Variants in PRKAG2 observed in about 807,000 individuals in gnomAD.
PRKAG2 encodes the protein protein kinase AMP-activated non-catalytic subunit gamma 2, also known as 5'-AMP-activated protein kinase subunit gamma-2.
A neutral mutation model predicts 69.6 loss-of-function variants in PRKAG2; 26 were observed. The observed-to-expected ratio is 0.37, with a 90% confidence interval of 0.27 to 0.52. The LOEUF (loss-of-function observed/expected upper bound fraction) is 0.52, where lower values mean the gene tolerates loss of function less well. Ranked by LOEUF, PRKAG2 falls within the 20% of genes least tolerant of loss-of-function variation. PRKAG2 has a pLI of 0.90. For synonymous variants in PRKAG2, 293 were observed against 285.0 expected (o/e 1.03, Z -0.28); for missense variants, 557 against 740.0 (o/e 0.75, Z 2.87).
At chr7:151,787,155 G>A (rs909991487) in intron 1 of PRKAG2, among the ~76,000 whole-genome samples, 5 of 152,136 alleles carry the variant, frequency 3.3e-5, no homozygotes, top group Non-Finnish European at 5.9e-5. Context: ...TCCTCAAATC[G>A]GGCACAGCTG....
intron 8 of PRKAG2, among the ~76,000 whole-genome samples, chr7:151,573,664 C>T (rs2151029167): frequency 6.6e-6 from 1 of 152,134 alleles, no homozygotes; most frequent in Middle Eastern, 3.4e-3. Context: ...GAGATATGAC[C>T]ACTATAAGGA....
chr7:151,862,124 A>AG (rs1177064121), intron 1 of PRKAG2, among the ~76,000 whole-genome samples: 2 of 152,080 alleles, frequency 1.3e-5, no homozygotes, highest in African/African-American at 4.8e-5. Flanking sequence ...ATGAAGGTCT[A>AG]GGCGCCCGGC....
chr7:151,719,769 C>T lies in PRKAG2; in HGVS notation c.467-44132G>A, dbSNP rs1219728696. ...TGGGCCTGGCACCCTGATCTGTTCT[C>T]AACAAGAAACTGGAGCCTGCCCCTC... On this transcript the variant is annotated intron_variant, in intron 3 of 15. Transcript: ENST00000287878. The surrounding 1 kb of genome is among the most constrained non-coding windows in gnomAD (Gnocchi z 5.2). Among the ~76,000 whole-genome samples, 1 of 146,274 alleles carries T rather than the reference C, an allele frequency of 6.8e-6. No homozygotes were observed. Among genetic ancestry groups the T allele is most frequent in the East Asian group, 2.0e-4 (1 of 5,060 alleles).
chr7:151,797,227 A>ACCCTCC (rs2077594085), intron 1 of PRKAG2, among the ~76,000 whole-genome samples: 5 of 132,800 alleles, frequency 3.8e-5, no homozygotes, highest in African/African-American at 8.7e-5. Flanking sequence ...GCTTCTTGCC[A>ACCCTCC]CCCCCCCCAC....
At position 151,699,481 on chromosome 7, in the gene PRKAG2, AG is replaced by A. The variant is rs1488793637; in HGVS notation, c.467-23845del. ...GCGACTTTATCATGAAGGCCAGCACAGGAGGCCCCTCCTTCCTGTTGGAGAT... is the reference window on the plus strand; with the variant it reads ...GCGACTTTATCATGAAGGCCAGCACAGAGGCCCCTCCTTCCTGTTGGAGAT... On this transcript the variant is annotated intron_variant, in intron 3 of 15. Coordinates refer to ENST00000287878, the MANE Select transcript of PRKAG2 (RefSeq NM_016203.4). This position sits in a 1 kb window ranked among gnomAD's most constrained non-coding sequence, Gnocchi z 4.5. Among the ~76,000 whole-genome samples, 2 of 152,234 alleles carry A rather than the reference AG, an allele frequency of 1.3e-5. No individual in the cohort carries two copies. The highest frequency in any genetic ancestry group is 2.9e-5 in the Non-Finnish European group (2 of 68,034).
chr7:151,662,464 T>C (rs377693926), intron 4 of PRKAG2, among the ~76,000 whole-genome samples: 1 of 152,226 alleles, frequency 6.6e-6, no homozygotes, highest in South Asian at 2.1e-4. Flanking sequence ...ACTTTTATAA[T>C]GAATTCCTTC....
chr7:151,650,836 G>A (rs1160694534), intron 4 of PRKAG2, among the ~76,000 whole-genome samples: 1 of 152,176 alleles, frequency 6.6e-6, no homozygotes, highest in African/African-American at 2.4e-5. Flanking sequence ...TCTTGAGTAT[G>A]TGTCTTTTTA....
At chr7:151,798,292 G>A (rs1477088756) in intron 1 of PRKAG2, among the ~76,000 whole-genome samples, 3 of 152,000 alleles carry the variant, frequency 2.0e-5, no homozygotes, top group Admixed American at 6.6e-5. Flanking sequence ...GTGAGCTACC[G>A]TGTCCGGCCT....
At chr7:151,870,110 A>ATGAT (rs1317636925) in intron 1 of PRKAG2, among the ~76,000 whole-genome samples, 15 of 105,574 alleles carry the variant, frequency 1.4e-4, no homozygotes, top group African/African-American at 5.0e-4. Flanking sequence ...AAAGGTGCAG[A>ATGAT]TGATAGATAG....
intron 4 of PRKAG2, among the ~76,000 whole-genome samples, chr7:151,651,849 A>C (rs1156691036): frequency 6.6e-6 from 1 of 151,960 alleles, no homozygotes. Context: ...GATTATAAAC[A>C]GTGAAACTCA....
chr7:151,782,369 G>GA lies in PRKAG2; in HGVS notation c.187-939dup, dbSNP rs1563663362. ...GGAGGGAGGGAGGGAGGGAGGGAGG[G>GA]AGGGAAGGAAAGAAGGAAGGAAGGA... is the stretch of plus-strand genomic sequence containing the variant. On this transcript the variant is annotated intron_variant, in intron 2 of 15. Transcript: ENST00000287878. Among the ~76,000 whole-genome samples, 241 of 38,756 alleles carry GA rather than the reference G, an allele frequency of 6.2e-3. 9 individuals carry two copies. The highest frequency in any genetic ancestry group is 0.015 in the African/African-American group (215 of 14,750). 25.4% of individuals were successfully genotyped at this position (38,756 alleles called of 152,430 possible).
At chr7:151,794,438 C>T (rs138567444) in intron 1 of PRKAG2, among the ~76,000 whole-genome samples, 16 of 152,372 alleles carry the variant, frequency 1.1e-4, no homozygotes, top group East Asian at 5.8e-4. Context: ...CTTCTTATCA[C>T]GGGCTGGTGG....
At chr7:151,838,940 G>A (rs2079212103) in intron 1 of PRKAG2, among the ~76,000 whole-genome samples, 2 of 151,336 alleles carry the variant, frequency 1.3e-5, no homozygotes, top group Non-Finnish European at 2.9e-5. Flanking sequence ...GCTTGAACCC[G>A]GAAGGCAGAG....
chr7:151,844,406 T>C lies in PRKAG2; in HGVS notation c.114+32101A>G, dbSNP rs903793955. The stretch of plus-strand genomic sequence containing the variant: ...CCTCAAAGAGGCGGAAGAGGACCCA[T>C]CACATGAAGGGGCTGGTTTGGCGAG... On this transcript the variant is annotated intron_variant, in intron 1 of 15. Coordinates refer to ENST00000287878, the MANE Select transcript of PRKAG2 (RefSeq NM_016203.4). Among the ~76,000 whole-genome samples the C allele has an allele frequency of 3.3e-5, 5 of 152,124 alleles. No homozygotes were observed. In the East Asian group the frequency reaches 9.6e-4, roughly 29 times the overall value.
At chr7:151,675,876 G>T (rs1370414709) in intron 3 of PRKAG2, among the ~76,000 whole-genome samples, 2 of 152,152 alleles carry the variant, frequency 1.3e-5, no homozygotes, top group Non-Finnish European at 2.9e-5. Flanking sequence ...ACCTCAAATG[G>T]CAAGAAGCCA....
chr7:151,634,880 G>A (rs1188361802), intron 4 of PRKAG2, among the ~76,000 whole-genome samples: 1 of 150,876 alleles, frequency 6.6e-6, no homozygotes, highest in Admixed American at 6.6e-5. Flanking sequence ...TGGTAAGGAT[G>A]TAGAGAGACA....
At chr7:151,834,268 G>A (rs2079098948) in intron 1 of PRKAG2, among the ~76,000 whole-genome samples, 1 of 152,216 alleles carries the variant, frequency 6.6e-6, no homozygotes, top group Non-Finnish European at 1.5e-5. Flanking sequence ...CTAAGGGAAT[G>A]AGAAAGTACA....
Position 151,756,005 on chromosome 7 carries a change from T to C in PRKAG2, c.466+25147A>G, listed in dbSNP as rs558816905. Among the ~76,000 whole-genome samples the C allele has an allele frequency of 1.9e-3, 288 of 152,332 alleles. No individual in the cohort carries two copies. Among genetic ancestry groups the C allele is most frequent in the African/African-American group, 6.4e-3 (267 of 41,562 alleles). On this transcript the variant is annotated intron_variant, in intron 3 of 15. Coordinates refer to ENST00000287878, the MANE Select transcript of PRKAG2 (RefSeq NM_016203.4). The surrounding 1 kb of genome is among the most constrained non-coding windows in gnomAD (Gnocchi z 4.9). ...GAGAAAAGTCCTCAGTGTCTCTACCTGTGCGCAAACACAAATACTTCCACT... is the reference window on the plus strand; with the variant it reads ...GAGAAAAGTCCTCAGTGTCTCTACCCGTGCGCAAACACAAATACTTCCACT...
At chr7:151,575,412 T>C (rs2151036974) in intron 7 of PRKAG2, among the ~76,000 whole-genome samples, 1 of 152,292 alleles carries the variant, frequency 6.6e-6, no homozygotes, top group East Asian at 1.9e-4. Flanking sequence ...ACCAGGATGA[T>C]ACGGATGAAA....
Sources: gnomAD v4.1 joint callset for allele counts (sites outside exome capture counted in the v4.1 genomes callset) on GRCh38, gnomAD v4.1.1 for gene constraint, Gnocchi (gnomAD v3.1) non-coding constraint, MANE v1.5 for transcripts, NCBI Gene and HGNC (gene_info 2026-07-23, HGNC 2026-07-21) for gene names.